The following METTL15 variants were observed in gnomAD, a reference collection of about 807,000 sequenced individuals.
The protein encoded by METTL15 is 12S rRNA N(4)-cytidine methyltransferase METTL15.
A neutral mutation model predicts 38.3 loss-of-function variants in METTL15; 34 were observed. The observed-to-expected ratio is 0.89, with a 90% CI of 0.68 to 1.18. The LOEUF is 1.18. METTL15 is among the 50% of genes most tolerant of loss of function. The pLI, the probability that METTL15 is intolerant of heterozygous loss-of-function variation, is 0.00. For synonymous variants in METTL15, 162 were observed against 170.9 expected (o/e 0.95, Z 0.41); for missense variants, 438 against 498.4 (o/e 0.88, Z 1.15).
chr11:28,307,653 T>G (rs1453285486), intron 6 of METTL15, among the ~76,000 whole-genome samples: 1 of 151,960 alleles, frequency 6.6e-6, no homozygotes, highest in African/African-American at 2.4e-5. Context: ...TAATTTCAGT[T>G]TTCTCATTAG....
chr11:28,315,666 C>G (rs146883011), intron 6 of METTL15, among the ~76,000 whole-genome samples: 5,440 of 152,334 alleles, frequency 0.036, 336 homozygotes, highest in African/African-American at 0.12. Context: ...ACAGCAGCCC[C>G]TTCCATCACT....
At chr11:28,428,698 A>G (rs1850885997) in intron 6 of METTL15, among the ~76,000 whole-genome samples, 1 of 152,210 alleles carries the variant, frequency 6.6e-6, no homozygotes, top group Non-Finnish European at 1.5e-5. Flanking sequence ...TAGGGGCTCA[A>G]GACCATCATT....
intron 3 of METTL15, among the ~76,000 whole-genome samples, chr11:28,168,197 A>T (rs1850722664): frequency 6.6e-6 from 1 of 151,928 alleles, no homozygotes; most frequent in African/African-American, 2.4e-5. Flanking sequence ...TCAGGCATGG[A>T]TGTTTTTCTT....
chr11:28,217,483 A>G (rs1262789276), intron 4 of METTL15, among the ~76,000 whole-genome samples: 2 of 152,068 alleles, frequency 1.3e-5, no homozygotes, highest in African/African-American at 2.4e-5. Flanking sequence ...AGTAGGTTGC[A>G]AAAATTTTCT....
chr11:28,526,086 C>T (rs980666662), intron 6 of METTL15, among the ~76,000 whole-genome samples: 12 of 152,242 alleles, frequency 7.9e-5, no homozygotes, highest in African/African-American at 2.4e-4. Flanking sequence ...GAGTGTGGGG[C>T]CTGCCAAGCC....
intron 3 of METTL15, among the ~76,000 whole-genome samples, chr11:28,171,918 A>G (rs188862540): frequency 2.6e-5 from 4 of 151,988 alleles, no homozygotes; most frequent in African/African-American, 9.6e-5. Context: ...CAGCCTCTTC[A>G]GTAGCTGGGA....
At chr11:28,410,491 C>T (rs147574251) in intron 5 of METTL15, among the ~76,000 whole-genome samples, 1 of 152,096 alleles carries the variant, frequency 6.6e-6, no homozygotes, top group African/African-American at 2.4e-5. Context: ...CAGTGTGATA[C>T]ATCACACCAA....
chr11:28,363,572 G>A (rs868833806), intron 5 of METTL15, among the ~76,000 whole-genome samples: 22 of 152,168 alleles, frequency 1.4e-4, no homozygotes, highest in South Asian at 2.1e-4. Flanking sequence ...GTACTTCGTA[G>A]ATTGTGGATA....
At chr11:28,116,520 A>G (rs537418742) in intron 3 of METTL15, among the ~76,000 whole-genome samples, 1 of 152,326 alleles carries the variant, frequency 6.6e-6, no homozygotes, top group South Asian at 2.1e-4. Context: ...TCTAGGAAAC[A>G]TGTGCATGTG....
At chr11:28,134,738 A>G (rs987028284) in intron 3 of METTL15, 1 of 395,844 alleles carries the variant, frequency 2.5e-6, no homozygotes, top group African/African-American at 2.1e-5. Context: ...GCAAAAAGGA[A>G]CAATTCGGGT....
chr11:28,373,205 C>T (rs1018003463), intron 5 of METTL15, among the ~76,000 whole-genome samples: 3 of 152,084 alleles, frequency 2.0e-5, no homozygotes, highest in Non-Finnish European at 2.9e-5. Context: ...CACTGACTTC[C>T]AAAATGGTTG....
chr11:28,259,601 T>C (rs570773313), intron 4 of METTL15, among the ~76,000 whole-genome samples: 24 of 152,322 alleles, frequency 1.6e-4, no homozygotes, highest in African/African-American at 5.8e-4. Flanking sequence ...ATTGCACATG[T>C]CAGCTGAATT....
intron 4 of METTL15, among the ~76,000 whole-genome samples, chr11:28,289,787 T>C (rs558280227): frequency 9.8e-5 from 15 of 152,314 alleles, no homozygotes; most frequent in Non-Finnish European, 1.9e-4. Context: ...ATATTTGACA[T>C]CTTTTTTATG....
intron 4 of METTL15, among the ~76,000 whole-genome samples, chr11:28,265,963 C>G (rs917683629): frequency 1.3e-5 from 2 of 152,204 alleles, no homozygotes; most frequent in Non-Finnish European, 2.9e-5. Flanking sequence ...CCCTTCCCCC[C>G]ACCAGCCCAC....
chr11:28,224,210 C>T (rs1328761215), intron 4 of METTL15, among the ~76,000 whole-genome samples: 2 of 151,738 alleles, frequency 1.3e-5, no homozygotes, highest in African/African-American at 4.8e-5. Flanking sequence ...TATACTCTTT[C>T]CTGTTTGAAT....
Position 28,504,242 on chromosome 11 carries a change from T to C in METTL15, c.*425-22236T>C, listed in dbSNP as rs146907701. On this transcript the variant is annotated intron_variant and NMD_transcript_variant, in intron 6 of 7. Coordinates refer to the METTL15 transcript ENST00000532947. Reference sequence around the variant, plus strand: ...AAGAGAGGGAGAAAAGAAAAAAAAATTGCATACTTAAATGTTCAGGGACCA... The same window carrying C: ...AAGAGAGGGAGAAAAGAAAAAAAAACTGCATACTTAAATGTTCAGGGACCA... 6.1e-3 allele frequency among the ~76,000 whole-genome samples: 846 copies of C among 139,642 alleles called. 10 individuals carry two copies. The highest frequency in any genetic ancestry group is 0.012 in the Middle Eastern group (3 of 258). 91.6% of individuals were successfully genotyped at this position (139,642 alleles called of 152,430 possible).
At chr11:28,131,261 C>A (rs1009398528) in intron 3 of METTL15, among the ~76,000 whole-genome samples, 3 of 152,156 alleles carry the variant, frequency 2.0e-5, no homozygotes, top group Admixed American at 2.0e-4. Flanking sequence ...GTTTCAAGTA[C>A]GTTCCTGAAA....
At chr11:28,184,162 G>T (rs540388967) in intron 3 of METTL15, among the ~76,000 whole-genome samples, 1 of 151,430 alleles carries the variant, frequency 6.6e-6, no homozygotes, top group Non-Finnish European at 1.5e-5. Context: ...TTCTTTACTC[G>T]TCTTGCCTAG....
chr11:28,170,257 G>T (rs1443960382), intron 3 of METTL15, among the ~76,000 whole-genome samples: 2 of 152,106 alleles, frequency 1.3e-5, no homozygotes, highest in African/African-American at 4.8e-5. Context: ...TCTGACCTCT[G>T]CTGTGCCTGG....
Sources: gnomAD v4.1 joint callset for allele counts (sites outside exome capture counted in the v4.1 genomes callset) on GRCh38, gnomAD v4.1.1 for gene constraint, MANE v1.5 for transcripts, NCBI Gene and HGNC (gene_info 2026-07-23, HGNC 2026-07-21) for gene names.